Variants in LRIG1 observed in about 807,000 individuals in gnomAD.
LRIG1 encodes the protein leucine-rich repeats and immunoglobulin-like domains protein 1.
In LRIG1, 48 loss-of-function variants were observed where a neutral mutation model predicts 99.2. That is an observed-to-expected ratio of 0.48 (90% CI 0.38 to 0.62). LRIG1 has a LOEUF of 0.62. LRIG1 is among the 20% of genes least tolerant of loss of function. LRIG1 has a pLI of 0.00. For synonymous variants in LRIG1, 772 were observed against 596.1 expected, an observed-to-expected ratio of 1.29 and a Z score of -4.30; for missense variants, 1,646 against 1,434.4, an observed-to-expected ratio of 1.15 and a Z score of -2.38.
At chr3:66,475,436 C>G (rs1389091844) in intron 1 of LRIG1, among the ~76,000 whole-genome samples, 2 of 152,188 alleles carry the variant, frequency 1.3e-5, no homozygotes. Flanking sequence ...GGCAGGCACT[C>G]AGCTATCAGA....
chr3:66,459,733 G>C (rs1700314280), intron 2 of LRIG1, among the ~76,000 whole-genome samples: 1 of 152,188 alleles, frequency 6.6e-6, no homozygotes. Context: ...AATTGGGTAG[G>C]GAGGGGCACA....
Position 66,383,321 on chromosome 3 carries a change from C to T in LRIG1, c.2152G>A (p.Gly718Arg), listed in dbSNP as rs1490318181. 1.9e-6 allele frequency: 3 copies of T among 1,603,072 alleles called. No individual in the cohort carries two copies. Among genetic ancestry groups the T allele is most frequent in the South Asian group, 2.2e-5 (2 of 90,614 alleles). The change falls in exon 15 of 19, where the codon GGG becomes AGG. Residue 718 changes from glycine (G) to arginine (R), a missense_variant. Physicochemically the swap from Gly to Arg is moderately radical, Grantham distance 125 (BLOSUM62 -2). Transcript: ENST00000273261. ...ETVALQCKATGNPPPRITWFK... is the reference protein window; with the variant it reads ...ETVALQCKATRNPPPRITWFK... The stretch of plus-strand genomic sequence containing the variant: ...CAGGTGATGCGGGGCGGAGGGTTCC[C>T]CGTGGCTTTGCATTGGAGGGCCACT...
At chr3:66,488,457 T>A (rs1464143079) in intron 1 of LRIG1, among the ~76,000 whole-genome samples, 2 of 142,800 alleles carry the variant, frequency 1.4e-5, no homozygotes, top group African/African-American at 5.1e-5. Flanking sequence ...TAAAACCCTG[T>A]CTCTACTAAA....
chr3:66,496,385 AGT>A (rs1396115152), intron 1 of LRIG1, among the ~76,000 whole-genome samples: 5 of 152,222 alleles, frequency 3.3e-5, no homozygotes, highest in Non-Finnish European at 5.9e-5. Flanking sequence ...AGACTTAAAC[AGT>A]GTGCCTTTTT....
chr3:66,460,369 T>C (rs1193181119), intron 2 of LRIG1, among the ~76,000 whole-genome samples: 1 of 152,214 alleles, frequency 6.6e-6, no homozygotes, highest in African/African-American at 2.4e-5. Flanking sequence ...CATGATGGCC[T>C]GGGTTTATCA....
intron 3 of LRIG1, among the ~76,000 whole-genome samples, chr3:66,422,409 C>CT (rs1040650693): frequency 1.3e-5 from 2 of 152,168 alleles, no homozygotes; most frequent in African/African-American, 4.8e-5. Flanking sequence ...ATCAGATACC[C>CT]TAAATCATCT....
rs564988763 is a variant in LRIG1 at position 66,412,769 on chromosome 3, G to A, written c.791+102C>T. On this transcript the variant is annotated intron_variant, in intron 6 of 18. Transcript: ENST00000273261. ...GCGCACACACCCAACACACAGCAAC[G>A]TTGGTGTTGGTGCGCACATGCATGC... is the stretch of plus-strand genomic sequence containing the variant. 213 of 1,358,542 alleles carry A rather than the reference G, an allele frequency of 1.6e-4. 2 individuals carry two copies. In the South Asian group the frequency reaches 2.4e-3, roughly 15 times the overall value. The allele number at this position is 1,358,542 out of a possible 1,614,324, so 84.2% of individuals were successfully genotyped here.
chr3:66,384,437 AG>A (rs1189475931), intron 13 of LRIG1, among the ~76,000 whole-genome samples, 165 bp from the exon 14 acceptor site: 2 of 152,112 alleles, frequency 1.3e-5, no homozygotes, highest in African/African-American at 4.8e-5. Context: ...AGGAACCCCC[AG>A]CTTCTCCCAC....
chr3:66,393,724 C>T (rs960654493), intron 12 of LRIG1, among the ~76,000 whole-genome samples: 4 of 152,176 alleles, frequency 2.6e-5, no homozygotes, highest in African/African-American at 9.7e-5. Flanking sequence ...GGAGTACATT[C>T]GCAGCTAAAC....
intron 3 of LRIG1, among the ~76,000 whole-genome samples, chr3:66,418,675 G>C (rs139315358): frequency 1.3e-5 from 2 of 152,198 alleles, no homozygotes; most frequent in African/African-American, 4.8e-5. Flanking sequence ...AAGCATTCTT[G>C]AACACAACAC....
chr3:66,478,897 C>T (rs1408212229), intron 1 of LRIG1, among the ~76,000 whole-genome samples: 1 of 152,178 alleles, frequency 6.6e-6, no homozygotes, highest in African/African-American at 2.4e-5. Context: ...AGTACTAACT[C>T]CCTGAGTAGC....
At chr3:66,489,616 T>C (rs1303618152) in intron 1 of LRIG1, among the ~76,000 whole-genome samples, 2 of 152,170 alleles carry the variant, frequency 1.3e-5, no homozygotes, top group African/African-American at 4.8e-5. Context: ...ATTTAATTCT[T>C]ACCATCCAAT....
chr3:66,426,627 A>G (rs768066145), intron 3 of LRIG1, among the ~76,000 whole-genome samples: 2 of 152,240 alleles, frequency 1.3e-5, no homozygotes, highest in Non-Finnish European at 2.9e-5. Flanking sequence ...CCTCTTCAGA[A>G]AGTGAAATGG....
intron 1 of LRIG1, 54 bp downstream of exon 1, chr3:66,500,136 T>G: frequency 7.1e-7 from 1 of 1,406,446 alleles, no homozygotes; most frequent in East Asian, 2.7e-5. Flanking sequence ...CGCCGCTCCA[T>G]CCCCAAGTGA....
chr3:66,385,690 T>G (rs770248809), intron 13 of LRIG1, among the ~76,000 whole-genome samples: 2 of 152,178 alleles, frequency 1.3e-5, no homozygotes, highest in Non-Finnish European at 2.9e-5. Flanking sequence ...TGGCTTCAAG[T>G]GATCTGCCCA....
intron 3 of LRIG1, among the ~76,000 whole-genome samples, chr3:66,439,847 C>G (rs1703484264): frequency 6.6e-6 from 1 of 152,134 alleles, no homozygotes; most frequent in South Asian, 2.1e-4. Context: ...CACCCGCGCA[C>G]CACCAAAGCA....
In LRIG1 at chr3:66,380,844, C is replaced by A. The variant is rs143941704; in HGVS notation, c.2788G>T (p.Val930Leu). Reference sequence around the variant, plus strand: ...ACTTCGGTGTTGCAGTCACTGCATACGACCCGGCCACCGTGTTCTGAAGGA... The same window carrying A: ...ACTTCGGTGTTGCAGTCACTGCATAAGACCCGGCCACCGTGTTCTGAAGGA... ...PHKMEHGGRV[V>L]CSDCNTEVDC... is the part of the protein sequence containing the mutation. Residue 930 changes from valine (V) to leucine (L), a missense_variant, in exon 18 of 19, where the codon GTA (valine) becomes TTA (leucine). Physicochemically the swap from Val to Leu is conservative, Grantham distance 32. Coordinates refer to ENST00000273261, the MANE Select transcript of LRIG1 (RefSeq NM_015541.3). 5.6e-6 allele frequency: 9 copies of A among 1,614,004 alleles called. 1 individual carries two copies. The South Asian group carries it at 8.8e-5, about 16-fold the overall frequency.
At chr3:66,429,753 A>T (rs1475076161) in intron 3 of LRIG1, among the ~76,000 whole-genome samples, 1 of 151,802 alleles carries the variant, frequency 6.6e-6, no homozygotes, top group African/African-American at 2.4e-5. Flanking sequence ...GTACCACACT[A>T]ATGCAAGATG....
chr3:66,478,478 T>A (rs1158990139), intron 1 of LRIG1, among the ~76,000 whole-genome samples: 1 of 152,184 alleles, frequency 6.6e-6, no homozygotes, highest in Non-Finnish European at 1.5e-5. Context: ...ATTAAGCACC[T>A]GCTGCGTGCC....
Sources: gnomAD v4.1 joint callset for allele counts (sites outside exome capture counted in the v4.1 genomes callset) on GRCh38, gnomAD v4.1.1 for gene constraint, MANE v1.5 for transcripts, NCBI Gene and HGNC (gene_info 2026-07-23, HGNC 2026-07-21) for gene names.